Variants in EXOC4 observed in about 807,000 individuals in gnomAD.
EXOC4 encodes the protein SEC8-like 1.
In EXOC4, 71 loss-of-function variants were observed where a neutral mutation model predicts 107.2. The ratio of observed to expected loss-of-function variants is 0.66; its 90% CI spans 0.55 to 0.81. EXOC4 has a LOEUF of 0.81. Ranked by LOEUF, EXOC4 falls within the 30% of genes least tolerant of loss-of-function variation. EXOC4 has a pLI of 0.00. For missense variants in EXOC4, 1,108 were observed against 1,189.6 expected, an observed-to-expected ratio of 0.93 and a Z score of 1.01; for synonymous variants, 456 against 441.2, an observed-to-expected ratio of 1.03 and a Z score of -0.42.
chr7:133,741,067 C>CA (rs1795553946), intron 10 of EXOC4, among the ~76,000 whole-genome samples: 1 of 152,316 alleles, frequency 6.6e-6, no homozygotes, highest in Admixed American at 6.5e-5. Context: ...GCCCATCTAA[C>CA]AATAAATTCA....
intron 14 of EXOC4, among the ~76,000 whole-genome samples, chr7:133,963,992 T>C (rs1416458628): frequency 6.6e-6 from 1 of 152,038 alleles, no homozygotes. Context: ...GAATGTTAAG[T>C]ACAGAAATAG....
At chr7:133,971,359 T>TAGAGAGAG (rs1413957280) in intron 14 of EXOC4, among the ~76,000 whole-genome samples, 9 of 96,748 alleles carry the variant, frequency 9.3e-5, no homozygotes, top group African/African-American at 4.2e-4. Flanking sequence ...TATATATATA[T>TAGAGAGAG]ATAGAGAGAG....
At chr7:134,089,389 T>G in the EXOC4 span, among the ~76,000 whole-genome samples, 2 of 152,334 alleles carry the variant, frequency 1.3e-5, no homozygotes, top group East Asian at 3.9e-4. Context: ...CTCAAATACA[T>G]GTTACACTAT....
intron 9 of EXOC4, among the ~76,000 whole-genome samples, chr7:133,530,657 A>G (rs1278902423): frequency 6.6e-6 from 1 of 152,200 alleles, no homozygotes; most frequent in Non-Finnish European, 1.5e-5. Flanking sequence ...ATGAAAGCAC[A>G]TGTAGAGTTA....
At chr7:134,043,664 G>A (rs758573535) in intron 17 of EXOC4, among the ~76,000 whole-genome samples, 3 of 152,150 alleles carry the variant, frequency 2.0e-5, no homozygotes, top group Non-Finnish European at 2.9e-5. Context: ...CAGCATCACC[G>A]TAGACTCTGA....
chr7:133,955,169 C>A (rs1009341219), intron 14 of EXOC4, among the ~76,000 whole-genome samples: 3 of 152,230 alleles, frequency 2.0e-5, no homozygotes, highest in African/African-American at 4.8e-5. Context: ...GTCCTGATTT[C>A]TTGTCCTGCA....
chr7:133,441,672 C>A (rs979256231), intron 7 of EXOC4, among the ~76,000 whole-genome samples: 3 of 152,154 alleles, frequency 2.0e-5, no homozygotes, highest in Non-Finnish European at 4.4e-5. Flanking sequence ...GGATTACAGG[C>A]ATGAGCCAAT....
intron 10 of EXOC4, among the ~76,000 whole-genome samples, chr7:133,754,716 T>C (rs1488554540): frequency 6.6e-6 from 1 of 152,230 alleles, no homozygotes; most frequent in African/African-American, 2.4e-5. Context: ...GATTTTACTT[T>C]AATGCTAACA....
chr7:133,304,244 G>T (rs1376694376), intron 3 of EXOC4, among the ~76,000 whole-genome samples: 1 of 152,206 alleles, frequency 6.6e-6, no homozygotes, highest in East Asian at 1.9e-4. Context: ...CTCTGCTAGA[G>T]ACCTGAGTTA....
chr7:133,833,208 G>C (rs1461771592), intron 11 of EXOC4, among the ~76,000 whole-genome samples: 1 of 106,104 alleles, frequency 9.4e-6, no homozygotes, highest in African/African-American at 2.7e-5. Context: ...TAATAGGAGA[G>C]AAATTTCACG....
chr7:134,063,500 C>T (rs1345579579), intron 17 of EXOC4, among the ~76,000 whole-genome samples: 2 of 152,178 alleles, frequency 1.3e-5, no homozygotes, highest in African/African-American at 4.8e-5. Flanking sequence ...AGCCCTCTAA[C>T]TTCTCTGTGC....
chr7:133,618,846 AGT>A (rs1211109787), intron 9 of EXOC4, among the ~76,000 whole-genome samples: 21 of 152,206 alleles, frequency 1.4e-4, no homozygotes, highest in Admixed American at 7.2e-4. Flanking sequence ...TATTGAACAT[AGT>A]AAATGTACAA....
At chr7:133,708,618 C>A (rs1298153444) in intron 10 of EXOC4, among the ~76,000 whole-genome samples, 1 of 152,188 alleles carries the variant, frequency 6.6e-6, no homozygotes, top group East Asian at 1.9e-4. Flanking sequence ...CCCGTTCATT[C>A]TCTCATTTAA....
intron 11 of EXOC4, among the ~76,000 whole-genome samples, chr7:133,862,510 A>T (rs1798556426): frequency 6.6e-6 from 1 of 152,122 alleles, no homozygotes; most frequent in African/African-American, 2.4e-5. Flanking sequence ...AAAGAGCCTC[A>T]TTCCCAGAGG....
chr7:133,679,523 C>CCCATCCGTCCGT (rs1554383006), intron 10 of EXOC4, among the ~76,000 whole-genome samples: 7 of 124,172 alleles, frequency 5.6e-5, no homozygotes, highest in South Asian at 5.7e-4. Context: ...TTGCTACTGC[C>CCCATCCGTCCGT]CCATCCATCC....
chr7:133,698,070 C>T (rs1447978779), intron 10 of EXOC4, among the ~76,000 whole-genome samples: 1 of 151,558 alleles, frequency 6.6e-6, no homozygotes, highest in Non-Finnish European at 1.5e-5. Context: ...GTTTTAAAAA[C>T]AGAAGAAAAT....
intron 9 of EXOC4, among the ~76,000 whole-genome samples, chr7:133,504,279 A>G (rs1799628665): frequency 6.6e-6 from 1 of 152,164 alleles, no homozygotes; most frequent in Non-Finnish European, 1.5e-5. Flanking sequence ...AGAGAGGCAT[A>G]GTAATTAAGT....
chr7:133,261,531 C>T (rs574568918), intron 1 of EXOC4, among the ~76,000 whole-genome samples: 1 of 152,142 alleles, frequency 6.6e-6, no homozygotes, highest in Non-Finnish European at 1.5e-5. Flanking sequence ...AGCCACCACA[C>T]CCGGGCACCT....
chr7:133,857,541 A>G (rs1209328119), intron 11 of EXOC4, among the ~76,000 whole-genome samples: 1 of 148,582 alleles, frequency 6.7e-6, no homozygotes, highest in Non-Finnish European at 1.5e-5. Flanking sequence ...GGCTCATGCT[A>G]CAGACCCAGA....
Sources: allele counts gnomAD v4.1 joint callset (sites outside exome capture counted in the v4.1 genomes callset), GRCh38; gene constraint gnomAD v4.1.1; transcripts MANE v1.5; gene names NCBI Gene and HGNC (gene_info 2026-07-23, HGNC 2026-07-21).